The following PRKCH variants were observed in gnomAD, a reference collection of about 807,000 sequenced individuals.
PRKCH encodes the protein protein kinase C eta type.
A neutral mutation model predicts 82.5 loss-of-function variants in PRKCH; 28 were observed. The observed-to-expected ratio is 0.34, with a 90% CI of 0.25 to 0.47. The LOEUF is 0.47. Ranked by LOEUF, PRKCH falls within the 20% of genes least tolerant of loss-of-function variation. The pLI is 1.00. For synonymous variants in PRKCH, 322 were observed against 327.4 expected, an observed-to-expected ratio of 0.98 and a Z score of 0.18; for missense variants, 705 against 881.8, an observed-to-expected ratio of 0.80 and a Z score of 2.54.
At chr14:61,488,486 T>A (rs1886324498) in intron 10 of PRKCH, among the ~76,000 whole-genome samples, 2 of 152,262 alleles carry the variant, frequency 1.3e-5, no homozygotes, top group South Asian at 4.1e-4. Context: ...ACCAGACTGC[T>A]AACTGGTAGT....
intron 1 of PRKCH, among the ~76,000 whole-genome samples, chr14:61,254,069 G>A (rs1040819847): frequency 7.8e-5 from 11 of 140,334 alleles, no homozygotes; most frequent in Non-Finnish European, 1.5e-4. Context: ...CTACTATGTC[G>A]AAACTCTATG....
chr14:61,517,631 G>A (rs2042846986), intron 10 of PRKCH, among the ~76,000 whole-genome samples: 1 of 152,196 alleles, frequency 6.6e-6, no homozygotes, highest in Non-Finnish European at 1.5e-5. Flanking sequence ...GTGTGCCCTA[G>A]AACATTTAAT....
chr14:61,273,228 G>A (rs1258234966), intron 1 of PRKCH, among the ~76,000 whole-genome samples: 2 of 152,074 alleles, frequency 1.3e-5, no homozygotes, highest in Non-Finnish European at 2.9e-5. Flanking sequence ...AATAACTATG[G>A]TGTGACCTCT....
Position 61,280,303 on chromosome 14 carries a change from GCGCCCCGCGGCAGC to G in PRKCH, c.-19+92637_-19+92650del. The G allele has an allele frequency of 6.2e-7, 1 of 1,613,812 alleles. No homozygotes were observed. Among genetic ancestry groups the G allele is most frequent in the East Asian group, 2.2e-5 (1 of 44,842 alleles). On this transcript the variant is annotated intron_variant, in intron 1 of 3. Transcript: ENST00000555185. The surrounding 1 kb of genome is among the most constrained non-coding windows in gnomAD (Gnocchi z 5.0). ...GTTGTAGGTGATGTTGACGCGGTAG[GCGCCCCGCGGCAGC>G]CCGGCCGAGTAGTTGCCCTGGCGGA... is the stretch of plus-strand genomic sequence containing the variant.
At chr14:61,250,745 G>A (rs759137894) in intron 1 of PRKCH, among the ~76,000 whole-genome samples, 1 of 152,148 alleles carries the variant, frequency 6.6e-6, no homozygotes, top group East Asian at 1.9e-4. Context: ...TACAGACCTC[G>A]GGTACCAATG....
At chr14:61,464,637 G>A (rs1051416790) in intron 9 of PRKCH, among the ~76,000 whole-genome samples, 6 of 152,138 alleles carry the variant, frequency 3.9e-5, no homozygotes, top group African/African-American at 1.4e-4. Flanking sequence ...AACATGTGGT[G>A]TTTGATTTTC....
At chr14:61,331,726 A>G (rs942791520) in intron 1 of PRKCH, among the ~76,000 whole-genome samples, 98 of 152,182 alleles carry the variant, frequency 6.4e-4, no homozygotes, top group Admixed American at 6.4e-3. Flanking sequence ...AGACTTTTAT[A>G]TCTCTAAAGC....
intron 9 of PRKCH, among the ~76,000 whole-genome samples, chr14:61,472,497 A>G (rs1885548846): frequency 6.6e-6 from 1 of 152,216 alleles, no homozygotes; most frequent in African/African-American, 2.4e-5. Context: ...TGCTGATAGC[A>G]ATATGATTGG....
chr14:61,349,909 T>G (rs1421491752), intron 1 of PRKCH, among the ~76,000 whole-genome samples: 1 of 152,076 alleles, frequency 6.6e-6, no homozygotes. Context: ...CTGTGTTCAC[T>G]CTTATGTTCA....
At chr14:61,212,756 G>T (rs1329495690) in intron 1 of PRKCH, among the ~76,000 whole-genome samples, 1 of 152,180 alleles carries the variant, frequency 6.6e-6, no homozygotes, top group Non-Finnish European at 1.5e-5. Context: ...TGCAACTCCT[G>T]TCCTTGGATC....
chr14:61,391,356 A>G (rs1055781599), intron 2 of PRKCH, 68 bp downstream of exon 2: 7 of 1,291,762 alleles, frequency 5.4e-6, no homozygotes, highest in African/African-American at 4.6e-5. Context: ...AGGAATTTCT[A>G]TCATGGACAT....
chr14:61,410,981 G>A (rs752962373), intron 2 of PRKCH, among the ~76,000 whole-genome samples: 5 of 152,216 alleles, frequency 3.3e-5, no homozygotes, highest in African/African-American at 4.8e-5. Context: ...GAAAGTATGA[G>A]ACATCGTGGA....
At chr14:61,423,707 T>G (rs1882973303) in intron 2 of PRKCH, among the ~76,000 whole-genome samples, 1 of 152,104 alleles carries the variant, frequency 6.6e-6, no homozygotes, top group Admixed American at 6.5e-5. Flanking sequence ...GAGTGCTGGT[T>G]CAGGATTGGG....
intron 2 of PRKCH, among the ~76,000 whole-genome samples, chr14:61,415,993 C>G (rs568433037): frequency 6.6e-6 from 1 of 151,028 alleles, no homozygotes; most frequent in South Asian, 2.1e-4. Context: ...AGGGTTCACC[C>G]GTGTGGTAGC....
At chr14:61,513,790 A>G (rs1297739219) in intron 10 of PRKCH, among the ~76,000 whole-genome samples, 1 of 152,090 alleles carries the variant, frequency 6.6e-6, no homozygotes, top group Non-Finnish European at 1.5e-5. Context: ...ACCATGGGTC[A>G]GCGCCAGTTT....
intron 1 of PRKCH, among the ~76,000 whole-genome samples, chr14:61,347,303 T>C (rs2046008303): frequency 1.3e-5 from 2 of 152,236 alleles, no homozygotes; most frequent in Non-Finnish European, 2.9e-5. Flanking sequence ...TATTGCAGTT[T>C]AAAGCAGTTT....
intron 1 of PRKCH, among the ~76,000 whole-genome samples, chr14:61,262,219 TAAA>T (rs1297799647): frequency 9.4e-6 from 1 of 106,608 alleles, no homozygotes; most frequent in Non-Finnish European, 1.8e-5. Flanking sequence ...AGACTCTGTA[TAAA>T]AAAAAAAAAA....
chr14:61,192,684 A>G (rs1025670616), intron 1 of PRKCH, among the ~76,000 whole-genome samples: 5 of 152,232 alleles, frequency 3.3e-5, no homozygotes, highest in Non-Finnish European at 5.9e-5. Flanking sequence ...ATGTTCAGGC[A>G]ACAAGACACT....
In PRKCH at chr14:61,322,711, G is replaced by C. The variant is rs2045644748; in HGVS notation, c.363+247G>C. Reference sequence around the variant, plus strand: ...TTTCAGGACAGCGGCTTGGCCTAACGGGAAGTCGGGCAGGGGTCCAGGGCG... The same window carrying C: ...TTTCAGGACAGCGGCTTGGCCTAACCGGAAGTCGGGCAGGGGTCCAGGGCG... On this transcript the variant is annotated intron_variant, in intron 1 of 13. Transcript: ENST00000332981. 4 of 480,612 alleles carry C rather than the reference G, an allele frequency of 8.3e-6. No individual in the cohort carries two copies. The South Asian group carries it at 9.8e-5, about 12-fold the overall frequency. 29.8% of individuals were successfully genotyped at this position (480,612 alleles called of 1,614,324 possible). A position where few individuals can be genotyped will look rare whatever the true frequency, so the allele number is the denominator to read the frequency against.
Sources: allele counts gnomAD v4.1 joint callset (sites outside exome capture counted in the v4.1 genomes callset), GRCh38; gene constraint gnomAD v4.1.1; non-coding constraint Gnocchi (gnomAD v3.1); transcripts MANE v1.5; gene names NCBI Gene and HGNC (gene_info 2026-07-23, HGNC 2026-07-21).